ALDH1A2: variants seen among roughly 807,000 people sequenced by gnomAD.
ALDH1A2 encodes aldehyde dehydrogenase 1 family member A2, also known as retinal dehydrogenase 2.
Under a neutral mutation model 60.3 loss-of-function variants are expected in ALDH1A2, and 27 were observed. The observed-to-expected ratio is 0.45, with a 90% CI of 0.33 to 0.62. The LOEUF is 0.62. ALDH1A2 is among the 20% of genes least tolerant of loss of function. The pLI is 0.02. For missense variants in ALDH1A2, 581 were observed against 643.8 expected (o/e 0.90, Z 1.06); for synonymous variants, 289 against 232.4 (o/e 1.24, Z -2.21).
At chr15:57,977,018 G>A (rs1359834393) in intron 7 of ALDH1A2, among the ~76,000 whole-genome samples, 2 of 151,826 alleles carry the variant, frequency 1.3e-5, no homozygotes, top group Non-Finnish European at 2.9e-5. Context: ...GACCAGTAAT[G>A]ATGAGCTTTT....
intron 1 of ALDH1A2, among the ~76,000 whole-genome samples, chr15:58,064,540 A>C (rs1331456756): frequency 6.6e-6 from 1 of 152,198 alleles, no homozygotes; most frequent in African/African-American, 2.4e-5. Flanking sequence ...CTTTAACCAT[A>C]TGCATGTGCG....
At chr15:58,022,990 A>G (rs1271742322) in intron 1 of ALDH1A2, among the ~76,000 whole-genome samples, 2 of 152,252 alleles carry the variant, frequency 1.3e-5, no homozygotes, top group Non-Finnish European at 2.9e-5. Context: ...ATACTCCATC[A>G]ACAGATCTTA....
intron 1 of ALDH1A2, among the ~76,000 whole-genome samples, chr15:58,019,084 G>A (rs1193610247): frequency 1.3e-5 from 2 of 151,992 alleles, no homozygotes; most frequent in African/African-American, 4.8e-5. Context: ...TGCATGAAGT[G>A]TACACAGAAA....
At chr15:57,976,021 G>A (rs1166100245) in intron 7 of ALDH1A2, among the ~76,000 whole-genome samples, 1 of 152,046 alleles carries the variant, frequency 6.6e-6, no homozygotes, top group Admixed American at 6.6e-5. Flanking sequence ...GTTAATAAAG[G>A]TACATTAAAC....
intron 1 of ALDH1A2, among the ~76,000 whole-genome samples, chr15:58,050,574 G>C (rs1324550086): frequency 6.6e-6 from 1 of 152,142 alleles, no homozygotes; most frequent in Non-Finnish European, 1.5e-5. Context: ...AGAATGGTAA[G>C]TGAAAACTAA....
In ALDH1A2 at chr15:58,065,219, TC is replaced by T. The variant is rs3840021; in HGVS notation, c.117+314del. The T allele has an allele frequency of 0.46, 174,700 of 383,892 alleles. 41,866 individuals are homozygous for T. The highest frequency in any genetic ancestry group is 0.53 in the Non-Finnish European group (107,494 of 203,850). The allele number at this position is 383,892 out of a possible 1,614,324, so 23.8% of individuals were successfully genotyped here. ...AGGATACTAAGCGGTTCCGACGCCT[TC>T]CCCCGCGGCAGTCGGGACCGGGAGA... On this transcript the variant is annotated intron_variant, in intron 1 of 12. Transcript: ENST00000249750.
At chr15:57,982,222 A>T (rs1275219099) in intron 7 of ALDH1A2, among the ~76,000 whole-genome samples, 1 of 152,230 alleles carries the variant, frequency 6.6e-6, no homozygotes, top group Non-Finnish European at 1.5e-5. Flanking sequence ...AGGTACAATC[A>T]TCTCTAATCT....
chr15:58,040,343 G>A (rs12595180), intron 1 of ALDH1A2, among the ~76,000 whole-genome samples: 10 of 151,664 alleles, frequency 6.6e-5, no homozygotes, highest in Admixed American at 3.9e-4. Flanking sequence ...CCAACTATAC[G>A]ATGAATCATA....
chr15:58,029,470 T>C (rs1704778201), intron 1 of ALDH1A2, among the ~76,000 whole-genome samples: 1 of 150,238 alleles, frequency 6.7e-6, no homozygotes, highest in South Asian at 2.1e-4. Flanking sequence ...CCCCCTAACA[T>C]CACAATTAAA....
intron 1 of ALDH1A2, among the ~76,000 whole-genome samples, chr15:58,031,947 C>G (rs1210901141): frequency 1.3e-5 from 2 of 152,112 alleles, no homozygotes; most frequent in Non-Finnish European, 2.9e-5. Flanking sequence ...GTCAGCGTGG[C>G]GATTCCTCAG....
chr15:57,992,890 G>A (rs1247943582), intron 6 of ALDH1A2, 55 bp downstream of exon 6: 10 of 1,613,588 alleles, frequency 6.2e-6, no homozygotes, highest in African/African-American at 4.0e-5. Flanking sequence ...ATATGCTCTA[G>A]TAGGCTCCAG....
chr15:58,027,205 T>C (rs1471078737), intron 1 of ALDH1A2, among the ~76,000 whole-genome samples: 1 of 152,224 alleles, frequency 6.6e-6, no homozygotes, highest in Non-Finnish European at 1.5e-5. Flanking sequence ...CAATATTTGC[T>C]GTTCTGCATT....
At chr15:58,014,354 G>T in intron 1 of ALDH1A2, 73 bp from the exon 2 acceptor site, 1 of 1,085,718 alleles carries the variant, frequency 9.2e-7, no homozygotes, top group Non-Finnish European at 1.4e-6. Flanking sequence ...AAGTGTTACG[G>T]AACTACTATG....
chr15:57,973,687 C>T (rs1193497258), intron 7 of ALDH1A2, among the ~76,000 whole-genome samples: 3 of 152,142 alleles, frequency 2.0e-5, no homozygotes, highest in Non-Finnish European at 2.9e-5. Flanking sequence ...AGACAAATGC[C>T]GCTCTCCCTT....
rs561148001 is a variant in ALDH1A2, at chr15:58,047,518, G to A, written c.117+18016C>T. The stretch of plus-strand genomic sequence containing the variant: ...TTTAAGAACAACCAAAAAAATGGCA[G>A]CGCTATCATTTACCTATAAAAAACT... On this transcript the variant is annotated intron_variant, in intron 1 of 12. Coordinates refer to ENST00000249750, the MANE Select transcript of ALDH1A2 (RefSeq NM_003888.4). Among the ~76,000 whole-genome samples the A allele has an allele frequency of 7.6e-4, 116 of 152,086 alleles. 2 individuals are homozygous for A. The highest frequency in any genetic ancestry group is 7.5e-3 in the Admixed American group (115 of 15,256).
chr15:57,974,251 G>A (rs1161668674), intron 7 of ALDH1A2, among the ~76,000 whole-genome samples: 1 of 151,954 alleles, frequency 6.6e-6, no homozygotes, highest in Non-Finnish European at 1.5e-5. Flanking sequence ...GGCTAACATG[G>A]TGAAACCCCA....
chr15:58,060,190 G>C (rs1163957459), intron 1 of ALDH1A2, among the ~76,000 whole-genome samples: 1 of 152,108 alleles, frequency 6.6e-6, no homozygotes, highest in African/African-American at 2.4e-5. Flanking sequence ...CAAAGTGCTG[G>C]GATTACAGGT....
At chr15:57,977,060 G>A (rs553974102) in intron 7 of ALDH1A2, among the ~76,000 whole-genome samples, 4 of 150,806 alleles carry the variant, frequency 2.7e-5, no homozygotes, top group South Asian at 4.2e-4. Flanking sequence ...CTTCTTTTGC[G>A]AAGTGTGTGT....
chr15:57,958,039 G>A (rs1173649711), intron 12 of ALDH1A2, among the ~76,000 whole-genome samples: 1 of 152,106 alleles, frequency 6.6e-6, no homozygotes, highest in African/African-American at 2.4e-5. Flanking sequence ...TGTGGGTCCT[G>A]GGCAGTGATG....
Sources: allele counts gnomAD v4.1 joint callset (sites outside exome capture counted in the v4.1 genomes callset), GRCh38; gene constraint gnomAD v4.1.1; transcripts MANE v1.5; gene names NCBI Gene and HGNC (gene_info 2026-07-23, HGNC 2026-07-21).